IFT80: variants seen among roughly 807,000 people sequenced by gnomAD.
IFT80 encodes intraflagellar transport 80.
A neutral mutation model predicts 107.9 loss-of-function variants in IFT80; 79 were observed. The observed-to-expected ratio is 0.73, with a 90% CI of 0.61 to 0.88. IFT80 has a LOEUF of 0.88. Ranked by LOEUF, IFT80 falls within the 40% of genes least tolerant of loss-of-function variation. IFT80 has a pLI of 0.00. For synonymous variants in IFT80, 299 were observed against 300.9 expected, an observed-to-expected ratio of 0.99 and a Z score of 0.07; for missense variants, 797 against 914.2, an observed-to-expected ratio of 0.87 and a Z score of 1.65.
At chr3:160,358,164 C>T (rs1263737343) in intron 6 of IFT80, among the ~76,000 whole-genome samples, 2 of 151,768 alleles carry the variant, frequency 1.3e-5, no homozygotes, top group Non-Finnish European at 2.9e-5. Flanking sequence ...CATGCCACCA[C>T]ACCCAGCTAC....
At chr3:160,273,590 T>C (rs982309683) in intron 18 of IFT80, among the ~76,000 whole-genome samples, 2 of 152,142 alleles carry the variant, frequency 1.3e-5, no homozygotes, top group Non-Finnish European at 2.9e-5. Flanking sequence ...AATGATAAGA[T>C]AAATTAGGCT....
At chr3:160,291,815 T>C (rs965810116) in intron 12 of IFT80, among the ~76,000 whole-genome samples, 21 of 152,184 alleles carry the variant, frequency 1.4e-4, no homozygotes, top group African/African-American at 5.1e-4. Flanking sequence ...TCAATGCCTA[T>C]GGGGAGACTT....
At position 160,300,864 on chromosome 3, in the gene IFT80, A is replaced by G; in HGVS notation, c.1315+19T>C. The G allele has an allele frequency of 6.4e-7, 1 of 1,570,938 alleles. No homozygotes were observed. ...ACAAATTTCATATTTGACAGGAAAA[A>G]TTATAAAAATATACTTACTTTTTTC... On this transcript the variant is annotated intron_variant, in intron 12 of 19. Coordinates refer to ENST00000326448, the MANE Select transcript of IFT80 (RefSeq NM_020800.3).
At chr3:160,338,094 G>C (rs1559947646) in intron 8 of IFT80, among the ~76,000 whole-genome samples, 1 of 152,048 alleles carries the variant, frequency 6.6e-6, no homozygotes, top group Non-Finnish European at 1.5e-5. Flanking sequence ...TGGCAGCATA[G>C]AAATAAGGTG....
intron 8 of IFT80, among the ~76,000 whole-genome samples, chr3:160,324,051 C>A (rs531284815): frequency 6.6e-6 from 1 of 152,116 alleles, no homozygotes; most frequent in South Asian, 2.1e-4. Context: ...AATTCCTCGA[C>A]GCATACACTC....
chr3:160,303,443 C>T (rs1330922208), intron 11 of IFT80, among the ~76,000 whole-genome samples: 1 of 151,978 alleles, frequency 6.6e-6, no homozygotes, highest in African/African-American at 2.4e-5. Context: ...ACCAGTAGGC[C>T]CATGAAACCA....
intron 8 of IFT80, among the ~76,000 whole-genome samples, chr3:160,338,464 C>A (rs1037717783): frequency 7.2e-5 from 11 of 151,974 alleles, no homozygotes; most frequent in African/African-American, 2.7e-4. Flanking sequence ...GATACCCTGT[C>A]ACTATAAAAA....
At chr3:160,313,150 A>G (rs981345102) in intron 9 of IFT80, among the ~76,000 whole-genome samples, 1 of 132,986 alleles carries the variant, frequency 7.5e-6, no homozygotes, top group African/African-American at 2.8e-5. Context: ...TGTCTCTTCC[A>G]TGTATGAATT....
chr3:160,301,520 A>G (rs1716423309), intron 11 of IFT80, among the ~76,000 whole-genome samples: 1 of 151,986 alleles, frequency 6.6e-6, no homozygotes, highest in South Asian at 2.1e-4. Context: ...AAAGCAGTGA[A>G]AATGACTAAA....
chr3:160,368,616 C>A (rs1334372940), intron 5 of IFT80, among the ~76,000 whole-genome samples: 1 of 151,560 alleles, frequency 6.6e-6, no homozygotes, highest in Non-Finnish European at 1.5e-5. Context: ...TCCAAATGAA[C>A]GAAGTTTAAC....
intron 18 of IFT80, among the ~76,000 whole-genome samples, chr3:160,270,696 GAAGTA>G (rs1428703720): frequency 2.0e-5 from 3 of 152,160 alleles, no homozygotes; most frequent in Non-Finnish European, 4.4e-5. Flanking sequence ...AGGAGAAACA[GAAGTA>G]AAGATGCCTC....
In IFT80 at chr3:160,285,852, C is replaced by T; in HGVS notation, c.1332G>A (p.Glu444=). ...CACCTAACGGCTTTCCGGTTGATGC[C>T]TCAAAGAGGAAGATTACTTGAAAAA... ...KADEKIIFLF[E]ASTGKPLGDG... Residue 444 remains glutamate, a synonymous_variant, in exon 13 of 20, where the codon GAG becomes GAA. Coordinates refer to ENST00000326448, the MANE Select transcript of IFT80 (RefSeq NM_020800.3). 1 of 1,609,658 alleles carries T rather than the reference C, an allele frequency of 6.2e-7. No individual in the cohort carries two copies. Among genetic ancestry groups the T allele is most frequent in the Non-Finnish European group, 8.5e-7 (1 of 1,177,382 alleles).
intron 8 of IFT80, among the ~76,000 whole-genome samples, chr3:160,346,189 T>G (rs1368437318): frequency 6.6e-6 from 1 of 152,182 alleles, no homozygotes; most frequent in Non-Finnish European, 1.5e-5. Context: ...CAAAATCTAT[T>G]GCATAGCATG....
intron 19 of IFT80, among the ~76,000 whole-genome samples, chr3:160,258,987 A>G (rs766694951): frequency 4.6e-5 from 7 of 152,082 alleles, no homozygotes; most frequent in African/African-American, 7.2e-5. Context: ...ACACACCTGT[A>G]GTCCCAGCTA....
chr3:160,338,327 G>A (rs1055681423), intron 8 of IFT80, among the ~76,000 whole-genome samples: 2 of 152,152 alleles, frequency 1.3e-5, no homozygotes, highest in African/African-American at 4.8e-5. Context: ...CCCCAGGCTG[G>A]GTGCAGTGGC....
At chr3:160,386,395 A>C (rs1022894255) in intron 1 of IFT80, among the ~76,000 whole-genome samples, 2 of 152,220 alleles carry the variant, frequency 1.3e-5, no homozygotes, top group Admixed American at 1.3e-4. Flanking sequence ...GGGATTGATC[A>C]TGAGGATCTG....
chr3:160,276,806 C>T (rs952987629), intron 18 of IFT80, among the ~76,000 whole-genome samples: 1 of 152,120 alleles, frequency 6.6e-6, no homozygotes, highest in East Asian at 1.9e-4. Context: ...TCCTTTCATC[C>T]ATCTCATAAT....
chr3:160,316,952 C>T (rs1717865712), intron 9 of IFT80, among the ~76,000 whole-genome samples: 2 of 152,106 alleles, frequency 1.3e-5, no homozygotes, highest in African/African-American at 4.8e-5. Context: ...AGCCTCTGAA[C>T]CAATAATGCC....
At chr3:160,297,519 T>C (rs1716078176) in intron 12 of IFT80, among the ~76,000 whole-genome samples, 1 of 152,154 alleles carries the variant, frequency 6.6e-6, no homozygotes, top group Admixed American at 6.5e-5. Context: ...TAATACATTA[T>C]TAGCTTTTAG....
Sources: allele counts gnomAD v4.1 joint callset (sites outside exome capture counted in the v4.1 genomes callset), GRCh38; gene constraint gnomAD v4.1.1; transcripts MANE v1.5; gene names NCBI Gene and HGNC (gene_info 2026-07-23, HGNC 2026-07-21).